The following NOL4L variants were observed in gnomAD, a reference collection of about 807,000 sequenced individuals.
NOL4L encodes the protein nucleolar protein 4-like.
NOL4L carries 7 observed loss-of-function variants against 64.5 expected under a neutral mutation model. The ratio of observed to expected loss-of-function variants is 0.11; its 90% CI spans 0.06 to 0.20. The LOEUF (loss-of-function observed/expected upper bound fraction) is 0.20, where lower values mean the gene tolerates loss of function less well. Ranked by LOEUF, NOL4L falls within the 10% of genes least tolerant of loss-of-function variation. The pLI is 1.00. For missense variants in NOL4L, 680 were observed against 967.1 expected, an observed-to-expected ratio of 0.70 and a Z score of 3.94; for synonymous variants, 413 against 401.0, an observed-to-expected ratio of 1.03 and a Z score of -0.36.
chr20:32,497,728 T>G (rs2016753749), intron 4 of NOL4L, among the ~76,000 whole-genome samples: 1 of 152,164 alleles, frequency 6.6e-6, no homozygotes, highest in African/African-American at 2.4e-5. Flanking sequence ...GAAAGACGTC[T>G]CCTTTCCTGT....
At chr20:32,459,447 G>A (rs1387062658) in intron 5 of NOL4L, among the ~76,000 whole-genome samples, 1 of 149,420 alleles carries the variant, frequency 6.7e-6, no homozygotes. Context: ...GCAATGGGGC[G>A]ATCTTGGCTT....
chr20:32,461,228 G>A (rs565497590), intron 5 of NOL4L, among the ~76,000 whole-genome samples: 1,548 of 152,214 alleles, frequency 0.01, 14 homozygotes, highest in Non-Finnish European at 0.015. Context: ...CTTCCAGCGA[G>A]CCCCTATGGC....
Position 32,456,322 on chromosome 20 carries a change from C to G in NOL4L, c.915G>C (p.Gln305His), listed in dbSNP as rs1307556760. Residue 305 changes from glutamine to histidine, a missense_variant, in exon 6 of 11, where the codon CAG becomes CAC. Transcript: ENST00000621426. Reference sequence around the variant, plus strand: ...TCATCTCGGGGAAGGCAGGGTCGCCCTGCGTGCTGCTCGACGTGGATGGGT... The same window carrying G: ...TCATCTCGGGGAAGGCAGGGTCGCCGTGCGTGCTGCTCGACGTGGATGGGT... Reference protein sequence around the residue: ...TLNPSTSSSTQGDPAFPEMNG... With the variant: ...TLNPSTSSSTHGDPAFPEMNG... The G allele has an allele frequency of 1.3e-6, 2 of 1,562,266 alleles. No homozygotes were observed. Among genetic ancestry groups the G allele is most frequent in the African/African-American group, 2.7e-5 (2 of 73,418 alleles).
chr20:32,489,871 G>A lies in NOL4L; in HGVS notation c.700-15129C>T, dbSNP rs531016882. Among the ~76,000 whole-genome samples the A allele has an allele frequency of 3.3e-5, 5 of 151,780 alleles. No homozygotes were observed. The South Asian group carries it at 1.0e-3, about 32-fold the overall frequency. ...TGGCCTGGCATGGTGACTCACGCCT[G>A]TAATCCCAGCATTTTGCGAAGCCGA... On this transcript the variant is annotated intron_variant, in intron 4 of 10. Coordinates refer to ENST00000621426, the MANE Select transcript of NOL4L (RefSeq NM_001256798.2).
intron 4 of NOL4L, chr20:32,485,736 T>C (rs1430884324): frequency 2.1e-6 from 1 of 470,698 alleles, no homozygotes; most frequent in Admixed American, 2.4e-5. Flanking sequence ...GAAATGTGTT[T>C]CCAAACGCGG....
chr20:32,471,589 G>A (rs143113256), intron 5 of NOL4L, among the ~76,000 whole-genome samples: 14 of 152,306 alleles, frequency 9.2e-5, no homozygotes, highest in African/African-American at 3.4e-4. Context: ...AATCACTCCT[G>A]GCTGGATCAC....
In NOL4L at chr20:32,462,774, G is replaced by A. The variant is rs147965732; in HGVS notation, c.842-6379C>T. On this transcript the variant is annotated intron_variant, in intron 5 of 10. Transcript: ENST00000621426. ...ACAAAAATTAGCTGGGCGTGGTGGT[G>A]CACGCCTGTAGTCCCAGCTACTCAG... is the stretch of plus-strand genomic sequence containing the variant. 3.0e-3 allele frequency among the ~76,000 whole-genome samples: 452 copies of A among 151,940 alleles called. 2 individuals carry two copies. The highest frequency in any genetic ancestry group is 0.017 in the Middle Eastern group (5 of 294).
intron 4 of NOL4L, among the ~76,000 whole-genome samples, chr20:32,477,770 A>T (rs1014599705): frequency 6.6e-6 from 1 of 152,200 alleles, no homozygotes; most frequent in Non-Finnish European, 1.5e-5. Context: ...ACACACAGCC[A>T]GGGTTTCTCT....
intron 1 of NOL4L, among the ~76,000 whole-genome samples, chr20:32,559,693 T>C (rs1600874442): frequency 6.6e-6 from 1 of 152,220 alleles, no homozygotes; most frequent in African/African-American, 2.4e-5. Context: ...GGCCTAGTTC[T>C]GAGGGCCCAG....
At chr20:32,490,922 T>A (rs1174915784) in intron 4 of NOL4L, among the ~76,000 whole-genome samples, 1 of 152,248 alleles carries the variant, frequency 6.6e-6, no homozygotes, top group East Asian at 1.9e-4. Flanking sequence ...TATTTCCTTC[T>A]GTTCCTCTCT....
chr20:32,456,342 A>T lies in NOL4L; in HGVS notation c.895T>A (p.Ser299Thr). Residue 299 changes from serine to threonine, a missense_variant, in exon 6 of 11, where the codon TCC becomes ACC. Around this residue, in one of 4 missense-constraint regions of NOL4L, gnomAD observed 254 missense variants for 238.7 expected, o/e 1.06. Transcript: ENST00000621426. The stretch of plus-strand genomic sequence containing the variant: ...TCGCCCTGCGTGCTGCTCGACGTGG[A>T]TGGGTTCAGGGTGGAGGAGCCATTG... ...SGNGSSTLNP[S>T]TSSSTQGDPA... The T allele has an allele frequency of 6.5e-7, 1 of 1,540,220 alleles. No homozygotes were observed. The highest frequency in any genetic ancestry group is 1.9e-5 in the Admixed American group (1 of 52,394).
chr20:32,453,463 C>T lies in NOL4L; in HGVS notation c.1338G>A (p.Leu446=). 1 of 1,614,116 alleles carries T rather than the reference C, an allele frequency of 6.2e-7. No homozygotes were observed. Among genetic ancestry groups the T allele is most frequent in the Non-Finnish European group, 8.5e-7 (1 of 1,180,020 alleles). ...GCTTGGAGATGGGCACCATGCGGTC[C>T]AGGTTCTCGTCCACAAAGAGACGCA... ...MFVRLFVDEN[L]DRMVPISKQP... is the part of the protein sequence containing the mutation. Residue 446 remains leucine (L), a synonymous_variant, in exon 8 of 11, where the codon CTG becomes CTA. Transcript: ENST00000621426. The surrounding 1 kb of genome is among the most constrained non-coding windows in gnomAD (Gnocchi z 5.6).
chr20:32,571,628 CACCGT>C (rs1979751106), intron 1 of NOL4L, among the ~76,000 whole-genome samples: 1 of 152,228 alleles, frequency 6.6e-6, no homozygotes, highest in Admixed American at 6.5e-5. Context: ...CTCCCCATGG[CACCGT>C]TTCCTTCCTC....
chr20:32,452,831 G>A, intron 9 of NOL4L, 53 bp downstream of exon 9: 1 of 1,606,850 alleles, frequency 6.2e-7, no homozygotes, highest in Non-Finnish European at 8.5e-7. Context: ...TATAAGGCCT[G>A]CCCTCCCTGG....
chr20:32,556,795 G>A (rs1303115848), intron 1 of NOL4L, among the ~76,000 whole-genome samples: 2 of 152,216 alleles, frequency 1.3e-5, no homozygotes, highest in South Asian at 2.1e-4. Context: ...CTGAGAGCAC[G>A]TGACCTGCCC....
At position 32,453,153 on chromosome 20, in the gene NOL4L, T is replaced by C. The variant is rs2013107374; in HGVS notation, c.1498-147A>G. The C allele has an allele frequency of 2.1e-6, 3 of 1,413,610 alleles. No homozygotes were observed. Among genetic ancestry groups the C allele is most frequent in the Non-Finnish European group, 2.9e-6 (3 of 1,043,718 alleles). 87.6% of individuals were successfully genotyped at this position (1,413,610 alleles called of 1,614,324 possible). On this transcript the variant is annotated intron_variant, in intron 8 of 10. Coordinates refer to ENST00000621426, the MANE Select transcript of NOL4L (RefSeq NM_001256798.2). The surrounding 1 kb of genome is among the most constrained non-coding windows in gnomAD (Gnocchi z 5.6). ...GGAGCTGTGTGATCTTTCTGGGCCTTAGTTCCCTCATTTGCAAACCAGGGA... is the reference window on the plus strand; with the variant it reads ...GGAGCTGTGTGATCTTTCTGGGCCTCAGTTCCCTCATTTGCAAACCAGGGA...
chr20:32,557,192 C>T (rs1473169929), intron 1 of NOL4L, among the ~76,000 whole-genome samples: 1 of 152,212 alleles, frequency 6.6e-6, no homozygotes, highest in Non-Finnish European at 1.5e-5. Context: ...GGGGTCCACC[C>T]TCACGCATCC....
chr20:32,483,568 A>G (rs1175388745), intron 4 of NOL4L: 2 of 954,768 alleles, frequency 2.1e-6, no homozygotes, highest in African/African-American at 2.1e-5. Context: ...CAGCGGCGGC[A>G]GCGGCGGCGG....
intron 4 of NOL4L, among the ~76,000 whole-genome samples, chr20:32,500,988 C>T (rs1481859277): frequency 1.3e-5 from 2 of 152,254 alleles, no homozygotes; most frequent in African/African-American, 2.4e-5. Context: ...AAATAATTTA[C>T]GTTGATAATT....
Sources: gnomAD v4.1 joint callset for allele counts (sites outside exome capture counted in the v4.1 genomes callset) on GRCh38, gnomAD v4.1.1 for gene constraint, gnomAD v4.1.1 regional missense constraint, Gnocchi (gnomAD v3.1) non-coding constraint, MANE v1.5 for transcripts, NCBI Gene and HGNC (gene_info 2026-07-23, HGNC 2026-07-21) for gene names.